PKP4: variants seen among roughly 807,000 people sequenced by gnomAD.
The protein encoded by PKP4 is plakophilin-4.
Under a neutral mutation model 145.1 loss-of-function variants are expected in PKP4, and 90 were observed. That is an observed-to-expected ratio of 0.62 (90% CI 0.52 to 0.74). PKP4 has a LOEUF of 0.74. Among genes scored for constraint, PKP4 ranks in the 30% least tolerant of loss-of-function variants. The pLI, the probability that PKP4 is intolerant of heterozygous loss-of-function variation, is 0.00. For synonymous variants in PKP4, 563 were observed against 577.2 expected (o/e 0.98, Z 0.35); for missense variants, 1,340 against 1,482.7 (o/e 0.90, Z 1.58).
intron 2 of PKP4, among the ~76,000 whole-genome samples, chr2:158,535,131 A>T (rs1201773210): frequency 6.6e-6 from 1 of 152,190 alleles, no homozygotes; most frequent in Non-Finnish European, 1.5e-5. Flanking sequence ...GGTTTTAAAT[A>T]GCTCCCCTGC....
At chr2:158,553,052 A>C (rs945480676) in intron 2 of PKP4, among the ~76,000 whole-genome samples, 4 of 152,210 alleles carry the variant, frequency 2.6e-5, no homozygotes, top group Admixed American at 1.3e-4. Flanking sequence ...TGTAGAAAGC[A>C]TGTAAATGAT....
intron 16 of PKP4, 64 bp downstream of exon 16, chr2:158,666,627 C>A: frequency 7.4e-7 from 1 of 1,356,056 alleles, no homozygotes; most frequent in Non-Finnish European, 1.0e-6. Context: ...TGAAACTCTT[C>A]TTTTGATTAA....
At chr2:158,537,482 A>T (rs1019230936) in intron 2 of PKP4, among the ~76,000 whole-genome samples, 2 of 152,208 alleles carry the variant, frequency 1.3e-5, no homozygotes, top group African/African-American at 2.4e-5. Context: ...AGAAATAAAA[A>T]GTCAATCCAT....
At chr2:158,472,455 C>CA (rs904721217) in intron 1 of PKP4, among the ~76,000 whole-genome samples, 5 of 150,768 alleles carry the variant, frequency 3.3e-5, no homozygotes, top group East Asian at 1.9e-4. Context: ...TAAAAAAATA[C>CA]AAAAAAAATT....
chr2:158,543,715 T>C (rs1354264403), intron 2 of PKP4, among the ~76,000 whole-genome samples: 2 of 152,050 alleles, frequency 1.3e-5, no homozygotes, highest in African/African-American at 4.8e-5. Flanking sequence ...AAATGAAAAA[T>C]TATTAAGTAA....
At position 158,626,328 on chromosome 2, in the gene PKP4, T is replaced by C. The variant is rs543923965; in HGVS notation, c.1153+901T>C. 8.6e-5 allele frequency among the ~76,000 whole-genome samples: 13 copies of C among 151,938 alleles called. No homozygotes were observed. The South Asian group carries it at 1.0e-3, about 12-fold the overall frequency. ...ATCTTCTATACTTTGTTCTTTTCAC[T>C]AACTATGTCTTAAGAGCTCTACCTC... On this transcript the variant is annotated intron_variant, in intron 7 of 21. Coordinates refer to ENST00000389759, the MANE Select transcript of PKP4 (RefSeq NM_003628.6).
chr2:158,556,506 A>G (rs1024432346), intron 2 of PKP4, among the ~76,000 whole-genome samples: 3 of 145,272 alleles, frequency 2.1e-5, no homozygotes, highest in Admixed American at 7.2e-5. Context: ...TAAATGAAGC[A>G]TTGTGGCTCT....
chr2:158,656,854 C>A (rs1467717033), intron 11 of PKP4, among the ~76,000 whole-genome samples: 6 of 152,192 alleles, frequency 3.9e-5, no homozygotes, highest in Non-Finnish European at 8.8e-5. Flanking sequence ...CCTCCCCATA[C>A]CACCCTCTTT....
intron 3 of PKP4, among the ~76,000 whole-genome samples, chr2:158,597,494 C>T (rs1020541641): frequency 2.6e-4 from 39 of 151,976 alleles, no homozygotes; most frequent in African/African-American, 9.4e-4. Flanking sequence ...GTGAAAAGTG[C>T]AAAAATAGAG....
chr2:158,540,270 A>G (rs961531456), intron 2 of PKP4, among the ~76,000 whole-genome samples: 2 of 152,190 alleles, frequency 1.3e-5, no homozygotes, highest in Admixed American at 6.5e-5. Context: ...AGACTGTTCT[A>G]TGAACTTGAA....
intron 2 of PKP4, chr2:158,548,734 C>T (rs1406902720): frequency 3.5e-6 from 1 of 288,434 alleles, no homozygotes. Context: ...CCCATAAGTA[C>T]TGACCAGAGA....
rs767841149 is a variant in PKP4 at position 158,625,115 on chromosome 2, T to A, written c.841T>A (p.Ser281Thr). The change falls in exon 7 of 22, where the codon TCC (serine) becomes ACC (threonine). Residue 281 changes from serine to threonine, a missense_variant. Coordinates refer to ENST00000389759, the MANE Select transcript of PKP4 (RefSeq NM_003628.6). The stretch of plus-strand genomic sequence containing the variant: ...CTCTCCGTACTCACAGAGACCCGCC[T>A]CCCCAACAGCTATACGGCGGATTGG... ...AASPYSQRPASPTAIRRIGSV... is the reference protein window; with the variant it reads ...AASPYSQRPATPTAIRRIGSV... 6.2e-7 allele frequency: 1 copy of A among 1,613,998 alleles called. No homozygotes were observed. The highest frequency in any genetic ancestry group is 1.1e-5 in the South Asian group (1 of 91,066).
At chr2:158,654,616 G>A in intron 11 of PKP4, among the ~76,000 whole-genome samples, 1 of 152,274 alleles carries the variant, frequency 6.6e-6, no homozygotes, top group Non-Finnish European at 1.5e-5. Context: ...CCGTAACTAA[G>A]ATGGTGGTTT....
chr2:158,581,008 T>G (rs1179099196), intron 3 of PKP4, among the ~76,000 whole-genome samples: 1 of 152,208 alleles, frequency 6.6e-6, no homozygotes, highest in Non-Finnish European at 1.5e-5. Context: ...GATCATTGAA[T>G]GGATAATGAA....
intron 1 of PKP4, among the ~76,000 whole-genome samples, chr2:158,460,167 G>A (rs921735162): frequency 6.6e-6 from 1 of 152,116 alleles, no homozygotes; most frequent in African/African-American, 2.4e-5. Flanking sequence ...GAAGAAACTA[G>A]GGGCAGCTAG....
intron 1 of PKP4, among the ~76,000 whole-genome samples, chr2:158,509,139 T>G (rs2041269298): frequency 6.6e-6 from 1 of 152,112 alleles, no homozygotes; most frequent in South Asian, 2.1e-4. Context: ...TATTTTAAAC[T>G]GAGAATACTA....
Position 158,625,038 on chromosome 2 carries a change from C to G in PKP4, c.764C>G (p.Pro255Arg), listed in dbSNP as rs147577759. ...FGSPSVTDPR[P>R]LNPSAYSSTT... ...TCTCCGTCAGTGACCGACCCCCGAC[C>G]TCTGAACCCCAGTGCATATTCCTCC... The change falls in exon 7 of 22, where the codon CCT becomes CGT. Residue 255 changes from proline (P) to arginine (R), a missense_variant. Transcript: ENST00000389759. The G allele has an allele frequency of 4.3e-6, 7 of 1,614,220 alleles. No individual in the cohort carries two copies. Among genetic ancestry groups the G allele is most frequent in the Non-Finnish European group, 5.9e-6 (7 of 1,180,046 alleles).
chr2:158,638,738 T>C (rs978159772), intron 9 of PKP4, among the ~76,000 whole-genome samples: 2 of 152,198 alleles, frequency 1.3e-5, no homozygotes, highest in African/African-American at 4.8e-5. Flanking sequence ...ATTTGGTATA[T>C]GTTAAATATT....
intron 2 of PKP4, among the ~76,000 whole-genome samples, chr2:158,561,745 C>T (rs921344380): frequency 2.0e-5 from 3 of 152,048 alleles, no homozygotes; most frequent in South Asian, 2.1e-4. Context: ...CCCTCTTTCT[C>T]TCTACCCATC....
Sources: allele counts gnomAD v4.1 joint callset (sites outside exome capture counted in the v4.1 genomes callset), GRCh38; gene constraint gnomAD v4.1.1; transcripts MANE v1.5; gene names NCBI Gene and HGNC (gene_info 2026-07-23, HGNC 2026-07-21).